MTUS2: variants seen among roughly 807,000 people sequenced by gnomAD.
MTUS2 encodes the protein microtubule associated scaffold protein 2.
A neutral mutation model predicts 114.1 loss-of-function variants in MTUS2; 40 were observed. That is an observed-to-expected ratio of 0.35 (90% CI 0.27 to 0.46). MTUS2 has a LOEUF of 0.46. MTUS2 is among the 20% of genes least tolerant of loss of function. The probability of loss-of-function intolerance (pLI) is 1.00; values close to 1 mark genes in which losing one functional copy is unlikely to be tolerated. For synonymous variants in MTUS2, 688 were observed against 672.0 expected (o/e 1.02, Z -0.37); for missense variants, 1,679 against 1,705.4 (o/e 0.98, Z 0.27).
chr13:28,947,065 G>T (rs1882569723), intron 2 of MTUS2, among the ~76,000 whole-genome samples: 1 of 152,156 alleles, frequency 6.6e-6, no homozygotes, highest in Non-Finnish European at 1.5e-5. Flanking sequence ...CCCCAGGAAA[G>T]AATATTTTTA....
rs1882264675 is a variant in MTUS2 at position 29,492,555 on chromosome 13, T to G, written c.3506-91T>G. 3 of 973,604 alleles carry G rather than the reference T, an allele frequency of 3.1e-6. No individual in the cohort carries two copies. In the South Asian group the frequency reaches 4.3e-5, roughly 14 times the overall value. 60.3% of individuals were successfully genotyped at this position (973,604 alleles called of 1,614,324 possible). A position where few individuals can be genotyped will look rare whatever the true frequency, so the allele number is the denominator to read the frequency against. The stretch of plus-strand genomic sequence containing the variant: ...GCTATACGGGAGTCATTTATTTACC[T>G]GAAGTCACAGGTCTTAAGTCTGCCA... On this transcript the variant is annotated intron_variant, in intron 11 of 15. Coordinates refer to ENST00000612955, the MANE Select transcript of MTUS2 (RefSeq NM_001033602.4).
At chr13:29,428,762 G>C (rs1008316890) in intron 8 of MTUS2, 1 of 1,603,984 alleles carries the variant, frequency 6.2e-7, no homozygotes, top group Non-Finnish European at 8.5e-7. Flanking sequence ...CGCCCCTTTC[G>C]TGTGTGCCGG....
At chr13:29,244,165 A>G (rs115057052) in intron 5 of MTUS2, among the ~76,000 whole-genome samples, 2,766 of 152,244 alleles carry the variant, frequency 0.018, 87 homozygotes, top group African/African-American at 0.064. Flanking sequence ...ACATTCTGGA[A>G]GGAGTAGGGT....
intron 4 of MTUS2, among the ~76,000 whole-genome samples, chr13:29,074,529 A>T (rs918250971): frequency 1.4e-4 from 21 of 152,296 alleles, no homozygotes; most frequent in Non-Finnish European, 1.5e-5. Context: ...TCTCAAACTC[A>T]GCTGAACTGA....
At chr13:28,942,619 A>G (rs1882304670) in intron 2 of MTUS2, among the ~76,000 whole-genome samples, 2 of 152,238 alleles carry the variant, frequency 1.3e-5, no homozygotes, top group South Asian at 4.1e-4. Flanking sequence ...TTACAATGGA[A>G]TCCTATACAG....
At chr13:29,427,832 A>C (rs943875216) in intron 8 of MTUS2, among the ~76,000 whole-genome samples, 1 of 152,256 alleles carries the variant, frequency 6.6e-6, no homozygotes, top group African/African-American at 2.4e-5. Flanking sequence ...GAGGGGTATC[A>C]GGGCATATAA....
intron 5 of MTUS2, among the ~76,000 whole-genome samples, chr13:29,207,916 A>C (rs988221005): frequency 7.2e-5 from 11 of 152,008 alleles, no homozygotes; most frequent in African/African-American, 2.7e-4. Flanking sequence ...TCCTGGTTTT[A>C]GTATTAGGGT....
intron 5 of MTUS2, among the ~76,000 whole-genome samples, chr13:29,187,419 A>G (rs975619581): frequency 4.6e-5 from 7 of 152,226 alleles, no homozygotes; most frequent in Non-Finnish European, 7.3e-5. Flanking sequence ...GAGGGACATT[A>G]CTACTGACCT....
At chr13:29,000,073 C>T (rs1263274307) in intron 2 of MTUS2, among the ~76,000 whole-genome samples, 2 of 152,182 alleles carry the variant, frequency 1.3e-5, no homozygotes, top group Non-Finnish European at 2.9e-5. Context: ...AATAGCACTG[C>T]AGTAAACTTG....
chr13:29,229,407 A>C (rs1266434458), intron 5 of MTUS2, among the ~76,000 whole-genome samples: 1 of 152,180 alleles, frequency 6.6e-6, no homozygotes, highest in African/African-American at 2.4e-5. Context: ...GGACACTTTT[A>C]ATATGTACGA....
intron 5 of MTUS2, among the ~76,000 whole-genome samples, chr13:29,259,322 C>T (rs752628409): frequency 1.3e-5 from 2 of 152,060 alleles, no homozygotes; most frequent in Non-Finnish European, 2.9e-5. Context: ...TATTGGAGCA[C>T]CTCAAGAAGA....
At chr13:29,329,289 A>AT (rs1900662878) in intron 7 of MTUS2, among the ~76,000 whole-genome samples, 1 of 105,146 alleles carries the variant, frequency 9.5e-6, no homozygotes, top group African/African-American at 3.7e-5. Context: ...CTAGCCCCCC[A>AT]CCCCCTGACA....
At position 29,429,976 on chromosome 13, in the gene MTUS2, G is replaced by T. The variant is rs140519159; in HGVS notation, c.3118-10007G>T. Among the ~76,000 whole-genome samples the T allele has an allele frequency of 5.9e-5, 9 of 152,294 alleles. No homozygotes were observed. The East Asian group carries it at 1.5e-3, about 26-fold the overall frequency. ...GTCACTTACTAGTTTTGCTCTAATAGAAATAACTACTTCAGTGGATTTGGC... is the reference window on the plus strand; with the variant it reads ...GTCACTTACTAGTTTTGCTCTAATATAAATAACTACTTCAGTGGATTTGGC... On this transcript the variant is annotated intron_variant, in intron 8 of 15. Coordinates refer to ENST00000612955, the MANE Select transcript of MTUS2 (RefSeq NM_001033602.4).
At chr13:29,324,130 C>T (rs546791483) in intron 6 of MTUS2, among the ~76,000 whole-genome samples, 16 of 152,282 alleles carry the variant, frequency 1.1e-4, no homozygotes, top group Non-Finnish European at 2.2e-4. Context: ...TCTGTGGACC[C>T]GCTGCATGGA....
At position 29,026,663 on chromosome 13, in the gene MTUS2, G is replaced by A; in HGVS notation, c.1965G>A (p.Leu655=). The part of the protein sequence containing the change: ...ITYIRRNPQA[L]GQVDASLVPV... ...ACATCAGGAGGAATCCCCAGGCCCT[G>A]GGCCAGGTGGACGCCTCGCTGGTTC... The change falls in exon 3 of 16, where the codon CTG becomes CTA. Residue 655 remains leucine, a synonymous_variant. Transcript: ENST00000612955. The A allele has an allele frequency of 6.2e-7, 1 of 1,613,996 alleles. No homozygotes were observed. The highest frequency in any genetic ancestry group is 1.1e-5 in the South Asian group (1 of 91,084).
chr13:29,004,750 C>T (rs942107486), intron 2 of MTUS2, among the ~76,000 whole-genome samples: 4 of 152,266 alleles, frequency 2.6e-5, no homozygotes, highest in African/African-American at 7.2e-5. Context: ...GAGAACCTGC[C>T]ATGGGTGAGG....
At chr13:29,436,010 A>G (rs765022429) in intron 8 of MTUS2, among the ~76,000 whole-genome samples, 5 of 152,190 alleles carry the variant, frequency 3.3e-5, no homozygotes, top group Non-Finnish European at 7.3e-5. Context: ...AAACAGACTA[A>G]TGTGCAACTC....
At chr13:28,893,078 G>C (rs1879029465) in intron 2 of MTUS2, among the ~76,000 whole-genome samples, 1 of 152,136 alleles carries the variant, frequency 6.6e-6, no homozygotes, top group African/African-American at 2.4e-5. Context: ...AAATAACCTT[G>C]GAGGGTTCAT....
rs759197960 is a variant in MTUS2, at chr13:29,503,212, C to T, written c.*6C>T. 1 of 1,613,214 alleles carries T rather than the reference C, an allele frequency of 6.2e-7. No homozygotes were observed. The highest frequency in any genetic ancestry group is 1.7e-5 in the Admixed American group (1 of 60,034). On this transcript the variant is annotated 3_prime_UTR_variant, in exon 16 of 16. Transcript: ENST00000612955. ...TCAGCACAACACCCAGATGACGCCA[C>T]TACACGGCCTGCGGGAGCTCCGGCT... is the stretch of plus-strand genomic sequence containing the variant.
Sources: gnomAD v4.1 joint callset for allele counts (sites outside exome capture counted in the v4.1 genomes callset) on GRCh38, gnomAD v4.1.1 for gene constraint, MANE v1.5 for transcripts, NCBI Gene and HGNC (gene_info 2026-07-23, HGNC 2026-07-21) for gene names.